The following ATP11C variants were observed in gnomAD, a reference collection of about 807,000 sequenced individuals.
The protein encoded by ATP11C is phospholipid-transporting ATPase IG.
ATP11C carries 36 observed loss-of-function variants against 97.4 expected under a neutral mutation model. The observed-to-expected ratio is 0.37, with a 90% CI of 0.28 to 0.49. ATP11C has a LOEUF of 0.49. Ranked by LOEUF, ATP11C falls within the 20% of genes least tolerant of loss-of-function variation. The probability of loss-of-function intolerance (pLI) is 0.98; values close to 1 mark genes in which losing one functional copy is unlikely to be tolerated. For missense variants in ATP11C, 730 were observed against 824.6 expected, an observed-to-expected ratio of 0.89 and a Z score of 1.40; for synonymous variants, 275 against 290.9, an observed-to-expected ratio of 0.95 and a Z score of 0.56.
intron 1 of ATP11C, among the ~76,000 whole-genome samples, chrX:139,866,343 CAAAAAAAAA>C (rs57250412): frequency 7.3e-5 from 2 of 27,550 alleles, no homozygotes; most frequent in East Asian, 2.3e-3. Context: ...GACTCTGTCT[CAAAAAAAAA>C]AAAAAAAAAA....
intron 19 of ATP11C, among the ~76,000 whole-genome samples, chrX:139,770,910 T>C (rs887185459): frequency 9.8e-5 from 11 of 111,904 alleles, no homozygotes; most frequent in Non-Finnish European, 1.9e-4. Context: ...TATTTGAAGA[T>C]AGCACCTTTA....
chrX:139,850,032 ATT>A (rs769383433), intron 1 of ATP11C, among the ~76,000 whole-genome samples: 1 of 112,012 alleles, frequency 8.9e-6, no homozygotes, highest in African/African-American at 3.2e-5. Flanking sequence ...TTAGAAATGA[ATT>A]TCTTTTATTT....
At chrX:139,867,966 G>A (rs979261909) in intron 1 of ATP11C, among the ~76,000 whole-genome samples, 3 of 111,661 alleles carry the variant, frequency 2.7e-5, no homozygotes, top group Admixed American at 9.6e-5. Context: ...AAAAAGAACT[G>A]AAAAGACTTA....
At chrX:139,776,348 C>T (rs932187910) in intron 18 of ATP11C, among the ~76,000 whole-genome samples, 10 of 112,251 alleles carry the variant, frequency 8.9e-5, no homozygotes, top group Non-Finnish European at 1.7e-4. Context: ...ATCCCAGCAA[C>T]AGACAGGTAA....
At chrX:139,851,625 A>T (rs1342647264) in intron 1 of ATP11C, among the ~76,000 whole-genome samples, 1 of 111,646 alleles carries the variant, frequency 9.0e-6, no homozygotes, top group African/African-American at 3.3e-5. Context: ...GAGAGCTGCA[A>T]GTAGGAGACT....
intron 1 of ATP11C, among the ~76,000 whole-genome samples, chrX:139,879,522 T>C (rs2084529441): frequency 1.8e-5 from 2 of 110,932 alleles, no homozygotes; most frequent in South Asian, 3.8e-4. Context: ...GGGGGTGAGA[T>C]AGGAAAATAA....
At position 139,932,188 on chromosome X, in the gene ATP11C, C is replaced by G. The variant is rs2085449051; in HGVS notation, c.-146G>C. On this transcript the variant is annotated 5_prime_UTR_variant, in exon 1 of 30. Transcript: ENST00000682941. ...GGGCCACCCGCTCGCCGCCTGCCCC[C>G]CTCGGCTCTCCGCGCTCCCCCGCCC... The G allele has an allele frequency of 2.8e-6, 1 of 357,112 alleles. No homozygotes were observed. The highest frequency in any genetic ancestry group is 1.4e-4 in the South Asian group (1 of 7,009). The allele number at this position is 357,112 out of a possible 1,213,427, so 29.4% of individuals were successfully genotyped here.
intron 23 of ATP11C, among the ~76,000 whole-genome samples, chrX:139,751,094 C>T (rs759967236): frequency 8.9e-6 from 1 of 112,402 alleles, no homozygotes; most frequent in South Asian, 3.6e-4. Flanking sequence ...TATTTTCAAT[C>T]AATGGCTACT....
Position 139,768,632 on chromosome X carries a change from A to C in ATP11C, c.2217-198T>G, listed in dbSNP as rs188552095. 2.1e-3 allele frequency among the ~76,000 whole-genome samples: 232 copies of C among 111,034 alleles called. 1 individual carries two copies. Among genetic ancestry groups the C allele is most frequent in the Non-Finnish European group, 3.5e-3 (184 of 53,027 alleles). ...ATTTGCAATCGTATCTTTGAGACCC[A>C]AGTTGCACATAATAGATGACTACAA... On this transcript the variant is annotated intron_variant, in intron 19 of 29. Coordinates refer to ENST00000682941, the MANE Select transcript of ATP11C (RefSeq NM_001353812.2).
chrX:139,923,413 T>G (rs2085298085), intron 1 of ATP11C, among the ~76,000 whole-genome samples: 1 of 111,638 alleles, frequency 9.0e-6, no homozygotes, highest in African/African-American at 3.3e-5. Context: ...TGGCCTTGTG[T>G]GGAGGATGGT....
intron 1 of ATP11C, among the ~76,000 whole-genome samples, chrX:139,917,955 CAAAAAAA>C (rs774133039): frequency 5.2e-5 from 2 of 38,403 alleles, no homozygotes; most frequent in Admixed American, 4.0e-4. Flanking sequence ...GGCTTTGTCT[CAAAAAAA>C]AAAAAAAAAA....
At chrX:139,818,484 C>T (rs1179761194) in intron 3 of ATP11C, among the ~76,000 whole-genome samples, 1 of 111,949 alleles carries the variant, frequency 8.9e-6, no homozygotes, top group East Asian at 2.8e-4. Flanking sequence ...GTAGTTTATT[C>T]TATATCTGTA....
chrX:139,853,931 G>T (rs190177259), intron 1 of ATP11C, among the ~76,000 whole-genome samples: 1 of 105,339 alleles, frequency 9.5e-6, no homozygotes, highest in East Asian at 3.1e-4. Context: ...TAACATTAAC[G>T]ACGGATAATT....
chrX:139,932,129 G>C lies in ATP11C; in HGVS notation c.-87C>G, dbSNP rs1412931958. On this transcript the variant is annotated 5_prime_UTR_variant, in exon 1 of 30. Coordinates refer to ENST00000682941, the MANE Select transcript of ATP11C (RefSeq NM_001353812.2). The stretch of plus-strand genomic sequence containing the variant: ...CACAAAACACACTGCGGCGTGGGCC[G>C]GCGGCGCCAAGCGGAGCAGCGAGGC... The C allele has an allele frequency of 3.2e-6, 3 of 948,250 alleles. No homozygotes were observed. Among genetic ancestry groups the C allele is most frequent in the Non-Finnish European group, 1.4e-6 (1 of 735,488 alleles). The allele number at this position is 948,250 out of a possible 1,213,427, so 78.1% of individuals were successfully genotyped here.
chrX:139,922,223 A>AT, intron 1 of ATP11C, among the ~76,000 whole-genome samples: 2 of 43,753 alleles, frequency 4.6e-5, no homozygotes, highest in South Asian at 1.5e-3. Context: ...TCCTTCTCTA[A>AT]ATATATATAT....
intron 12 of ATP11C, among the ~76,000 whole-genome samples, chrX:139,790,847 AAAT>A (rs1281188541): frequency 8.9e-6 from 1 of 111,915 alleles, no homozygotes; most frequent in Non-Finnish European, 1.9e-5. Context: ...ATATTTTCAT[AAAT>A]AATGGAAAAT....
chrX:139,756,507 C>T (rs1431279921), intron 23 of ATP11C, among the ~76,000 whole-genome samples: 7 of 111,550 alleles, frequency 6.3e-5, no homozygotes, highest in Middle Eastern at 4.7e-3. Context: ...ATTATTCTAC[C>T]ATAAAGACAC....
intron 1 of ATP11C, chrX:139,832,344 C>T (rs2083669426): frequency 1.9e-6 from 2 of 1,058,202 alleles, no homozygotes; most frequent in Non-Finnish European, 2.5e-6. Context: ...TCCTGTACTT[C>T]CATGGGAGGC....
At chrX:139,832,009 G>T in intron 1 of ATP11C, 1 of 574,091 alleles carries the variant, frequency 1.7e-6, no homozygotes, top group Non-Finnish European at 2.7e-6. Flanking sequence ...GAGCAGTGAG[G>T]CTGAAAATCC....
Sources: gnomAD v4.1 joint callset for allele counts (sites outside exome capture counted in the v4.1 genomes callset) on GRCh38, gnomAD v4.1.1 for gene constraint, MANE v1.5 for transcripts, NCBI Gene and HGNC (gene_info 2026-07-23, HGNC 2026-07-21) for gene names.